The following CORO2A variants were observed in gnomAD, a reference collection of about 807,000 sequenced individuals.
CORO2A encodes the protein coronin-2A.
A neutral mutation model predicts 62.4 loss-of-function variants in CORO2A; 47 were observed. The ratio of observed to expected loss-of-function variants is 0.75; its 90% CI spans 0.60 to 0.96. The LOEUF (loss-of-function observed/expected upper bound fraction) is 0.96. Among genes scored for constraint, CORO2A ranks in the 40% least tolerant of loss-of-function variants. The probability of loss-of-function intolerance (pLI) is 0.00; values close to 1 mark genes in which losing one functional copy is unlikely to be tolerated. For missense variants in CORO2A, 610 were observed against 684.1 expected, an observed-to-expected ratio of 0.89 and a Z score of 1.21; for synonymous variants, 273 against 268.9, an observed-to-expected ratio of 1.02 and a Z score of -0.15.
chr9:98,137,545 G>C, intron 3 of CORO2A, 27 bp downstream of exon 3: 1 of 1,583,330 alleles, frequency 6.3e-7, no homozygotes, highest in Non-Finnish European at 8.7e-7. Flanking sequence ...TTCAGGAAGG[G>C]GAAGCCCCTC....
At chr9:98,173,135 T>C (rs1339070065) in intron 1 of CORO2A, among the ~76,000 whole-genome samples, 1 of 152,172 alleles carries the variant, frequency 6.6e-6, no homozygotes, top group Non-Finnish European at 1.5e-5. Flanking sequence ...TGATTCTGTC[T>C]CTACAAAAAA....
At chr9:98,141,454 C>T (rs1253517961) in intron 2 of CORO2A, among the ~76,000 whole-genome samples, 8 of 151,458 alleles carry the variant, frequency 5.3e-5, no homozygotes, top group Non-Finnish European at 8.8e-5. Context: ...CAGGTTCAAG[C>T]AATTCTCCCT....
chr9:98,144,716 G>A (rs1434947585), intron 2 of CORO2A, among the ~76,000 whole-genome samples: 1 of 152,156 alleles, frequency 6.6e-6, no homozygotes, highest in Non-Finnish European at 1.5e-5. Context: ...GTGGAGGGGA[G>A]GAATCTCAAG....
intron 2 of CORO2A, among the ~76,000 whole-genome samples, chr9:98,156,964 CTT>C (rs1015936593): frequency 1.3e-5 from 2 of 152,138 alleles, no homozygotes; most frequent in African/African-American, 4.8e-5. Context: ...GAAAATGTTG[CTT>C]TTTTGGGGTC....
At chr9:98,130,864 A>G (rs1827393958) in intron 7 of CORO2A, 91 bp downstream of exon 7, 1 of 1,061,006 alleles carries the variant, frequency 9.4e-7, no homozygotes, top group Non-Finnish European at 1.4e-6. Context: ...AGGCCTGCCC[A>G]TCCCTGCCCT....
At chr9:98,167,786 T>G (rs535439098) in intron 1 of CORO2A, among the ~76,000 whole-genome samples, 1 of 152,366 alleles carries the variant, frequency 6.6e-6, no homozygotes, top group East Asian at 1.9e-4. Context: ...ATGCCTAATA[T>G]TCACAGATGA....
At chr9:98,136,356 G>A (rs527808801) in intron 3 of CORO2A, among the ~76,000 whole-genome samples, 1 of 152,338 alleles carries the variant, frequency 6.6e-6, no homozygotes, top group East Asian at 1.9e-4. Flanking sequence ...TCTGCTATAT[G>A]GAAACCGACA....
At chr9:98,165,927 T>A (rs933658990) in intron 1 of CORO2A, among the ~76,000 whole-genome samples, 1 of 152,184 alleles carries the variant, frequency 6.6e-6, no homozygotes, top group Admixed American at 6.5e-5. Flanking sequence ...AGGTTCAAGT[T>A]TGAGACTCAG....
At chr9:98,178,469 G>A (rs1246851740) in intron 1 of CORO2A, among the ~76,000 whole-genome samples, 3 of 152,214 alleles carry the variant, frequency 2.0e-5, no homozygotes, top group African/African-American at 7.2e-5. Flanking sequence ...TTAGCTTAGA[G>A]TGGTGAATAT....
chr9:98,179,939 G>A (rs1214695121), intron 1 of CORO2A, among the ~76,000 whole-genome samples: 1 of 152,118 alleles, frequency 6.6e-6, no homozygotes, highest in Non-Finnish European at 1.5e-5. Context: ...GGAGGCGGAG[G>A]TTGCAGTGAG....
intron 1 of CORO2A, among the ~76,000 whole-genome samples, chr9:98,178,598 T>C (rs901375993): frequency 1.3e-5 from 2 of 152,184 alleles, no homozygotes; most frequent in Non-Finnish European, 2.9e-5. Flanking sequence ...CTCATTACCC[T>C]TTCTCAGAGT....
intron 2 of CORO2A, among the ~76,000 whole-genome samples, chr9:98,153,290 G>A (rs1457086159): frequency 5.9e-5 from 9 of 152,070 alleles, no homozygotes; most frequent in Admixed American, 2.0e-4. Flanking sequence ...TAGTAGAGAC[G>A]GAGTTTCACC....
intron 1 of CORO2A, among the ~76,000 whole-genome samples, chr9:98,167,247 T>C (rs550637289): frequency 2.0e-5 from 3 of 152,212 alleles, no homozygotes; most frequent in African/African-American, 7.2e-5. Context: ...ATGAGTTACT[T>C]TGAGTAGGCA....
chr9:98,189,972 C>G (rs1032282592), intron 1 of CORO2A, among the ~76,000 whole-genome samples: 1 of 152,104 alleles, frequency 6.6e-6, no homozygotes, highest in Non-Finnish European at 1.5e-5. Flanking sequence ...GCCACCTCTG[C>G]CTCCCGGGTT....
chr9:98,179,558 C>T (rs1251582353), intron 1 of CORO2A, among the ~76,000 whole-genome samples: 1 of 152,164 alleles, frequency 6.6e-6, no homozygotes, highest in Non-Finnish European at 1.5e-5. Context: ...TCAATAGCTT[C>T]TCAGCTGGGG....
intron 5 of CORO2A, 86 bp downstream of exon 5, chr9:98,132,952 A>G: frequency 6.8e-7 from 1 of 1,463,252 alleles, no homozygotes; most frequent in Admixed American, 1.8e-5. Flanking sequence ...TGACAGCATC[A>G]CTGTCCTGTT....
In CORO2A at chr9:98,124,737, T is replaced by C. The variant is rs1482599287; in HGVS notation, c.*37A>G. ...TTCTAAACCTCCCCATGGAGCCGAG[T>C]GGTGTCCCTGAGGGTGAGGAGGGCA... On this transcript the variant is annotated 3_prime_UTR_variant, in exon 12 of 12. Coordinates refer to ENST00000375077, the MANE Select transcript of CORO2A (RefSeq NM_052820.4). The C allele has an allele frequency of 1.3e-6, 2 of 1,562,768 alleles. No homozygotes were observed. The highest frequency in any genetic ancestry group is 4.6e-5 in the East Asian group (2 of 43,704).
At chr9:98,168,679 T>C (rs181780482) in intron 1 of CORO2A, among the ~76,000 whole-genome samples, 2 of 152,368 alleles carry the variant, frequency 1.3e-5, no homozygotes, top group African/African-American at 4.8e-5. Flanking sequence ...GCTAGTAAGA[T>C]TGTTGTGGTC....
chr9:98,174,958 A>G (rs1458819135), intron 1 of CORO2A, among the ~76,000 whole-genome samples: 2 of 152,188 alleles, frequency 1.3e-5, no homozygotes, highest in Admixed American at 1.3e-4. Context: ...CTATGTATAT[A>G]TCACCATCAT....
Sources: gnomAD v4.1 joint callset for allele counts (sites outside exome capture counted in the v4.1 genomes callset) on GRCh38, gnomAD v4.1.1 for gene constraint, MANE v1.5 for transcripts, NCBI Gene and HGNC (gene_info 2026-07-23, HGNC 2026-07-21) for gene names.